PDE6A: variants seen among roughly 807,000 people sequenced by gnomAD.
The protein encoded by PDE6A is phosphodiesterase 6A.
In PDE6A, 84 loss-of-function variants were observed where a neutral mutation model predicts 106.3. The ratio of observed to expected loss-of-function variants is 0.79; its 90% confidence interval spans 0.66 to 0.95. The LOEUF is 0.95. Among genes scored for constraint, PDE6A ranks in the 40% least tolerant of loss-of-function variants. PDE6A has a pLI of 0.00. For missense variants in PDE6A, 1,052 were observed against 1,084.9 expected (o/e 0.97, Z 0.43); for synonymous variants, 394 against 386.6 (o/e 1.02, Z -0.23).
At chr5:149,880,332 G>A (rs1760877761) in intron 17 of PDE6A, among the ~76,000 whole-genome samples, 1 of 152,104 alleles carries the variant, frequency 6.6e-6, no homozygotes, top group Non-Finnish European at 1.5e-5. Context: ...CAATAGCAGG[G>A]TGTTCCTTTC....
intron 17 of PDE6A, among the ~76,000 whole-genome samples, chr5:149,876,479 C>T (rs761040662): frequency 2.0e-5 from 3 of 151,576 alleles, no homozygotes; most frequent in Non-Finnish European, 4.4e-5. Context: ...CTTCGGCCTC[C>T]CAAGTAGCGT....
intron 4 of PDE6A, among the ~76,000 whole-genome samples, chr5:149,924,861 G>A (rs1317104332): frequency 1.3e-5 from 2 of 152,202 alleles, no homozygotes; most frequent in African/African-American, 4.8e-5. Flanking sequence ...GCTGAGCCAA[G>A]CTTACGGAAG....
chr5:149,919,926 A>G (rs1432358157), intron 5 of PDE6A, among the ~76,000 whole-genome samples: 1 of 150,388 alleles, frequency 6.6e-6, no homozygotes, highest in Non-Finnish European at 1.5e-5. Context: ...CTTTCGACCT[A>G]AGATTCGGGA....
intron 13 of PDE6A, among the ~76,000 whole-genome samples, chr5:149,887,865 C>T (rs1561714420): frequency 6.6e-6 from 1 of 152,152 alleles, no homozygotes; most frequent in African/African-American, 2.4e-5. Context: ...ATAAGTACCA[C>T]CAGCCTGTAA....
At chr5:149,888,161 G>C (rs1412679492) in intron 13 of PDE6A, among the ~76,000 whole-genome samples, 2 of 152,056 alleles carry the variant, frequency 1.3e-5, no homozygotes, top group Non-Finnish European at 2.9e-5. Context: ...AGATCTAAGA[G>C]GATAGAGATT....
intron 8 of PDE6A, among the ~76,000 whole-genome samples, chr5:149,903,161 A>AC (rs1302936997): frequency 2.0e-5 from 3 of 149,068 alleles, no homozygotes; most frequent in African/African-American, 7.4e-5. Context: ...AAAAAAAAAA[A>AC]AAAAAAACAA....
intron 8 of PDE6A, among the ~76,000 whole-genome samples, chr5:149,900,656 TA>T (rs1232981046): frequency 6.6e-6 from 1 of 151,882 alleles, no homozygotes; most frequent in Non-Finnish European, 1.5e-5. Context: ...GGTGAGATGA[TA>T]ATTGTTATTA....
intron 4 of PDE6A, among the ~76,000 whole-genome samples, chr5:149,926,607 T>C (rs900113991): frequency 6.6e-6 from 1 of 152,202 alleles, no homozygotes; most frequent in Non-Finnish European, 1.5e-5. Flanking sequence ...CAAGAATCAA[T>C]GACTATAAAG....
intron 3 of PDE6A, among the ~76,000 whole-genome samples, chr5:149,933,527 G>A (rs954179151): frequency 6.6e-5 from 10 of 152,142 alleles, no homozygotes; most frequent in African/African-American, 2.4e-4. Flanking sequence ...TTATCTCATA[G>A]GTTTTTAATA....
chr5:149,903,223 A>G (rs1004978386), intron 8 of PDE6A, among the ~76,000 whole-genome samples: 2 of 150,502 alleles, frequency 1.3e-5, no homozygotes, highest in Non-Finnish European at 3.0e-5. Context: ...TTTTGATTAT[A>G]TTTATTGAAA....
intron 17 of PDE6A, among the ~76,000 whole-genome samples, chr5:149,880,970 C>T (rs966100659): frequency 6.6e-6 from 1 of 151,312 alleles, no homozygotes; most frequent in Non-Finnish European, 1.5e-5. Context: ...GGCTGAGGCA[C>T]GAGAATTGCT....
Position 149,863,771 on chromosome 5 carries a change from A to C in PDE6A, c.2359-505T>G, listed in dbSNP as rs1272674714. On this transcript the variant is annotated intron_variant, in intron 20 of 21. Coordinates refer to ENST00000255266, the MANE Select transcript of PDE6A (RefSeq NM_000440.3). This position sits in a 1 kb window ranked among gnomAD's most constrained non-coding sequence, Gnocchi z 4.7. ...CCCAAGTAGCTGGAACTACAGGCTC[A>C]TGCCACCACACCCAGGTAATTTTTT... is the stretch of plus-strand genomic sequence containing the variant. Among the ~76,000 whole-genome samples the C allele has an allele frequency of 2.6e-5, 4 of 151,882 alleles. No individual in the cohort carries two copies. In the East Asian group the frequency reaches 7.8e-4, roughly 30 times the overall value.
At chr5:149,928,227 A>ATTTTTTTTTTTTTTTTTTT (rs1561778751) in intron 4 of PDE6A, among the ~76,000 whole-genome samples, 1 of 26,492 alleles carries the variant, frequency 3.8e-5, no homozygotes, top group Non-Finnish European at 6.8e-5. Context: ...ATATATATAT[A>ATTTTTTTTTTTTTTTTTTT]TATATTTTTT....
In PDE6A at chr5:149,896,699, G is replaced by C. The variant is rs201026028; in HGVS notation, c.1473+12C>G. On this transcript the variant is annotated intron_variant, in intron 11 of 21. Coordinates refer to ENST00000255266, the MANE Select transcript of PDE6A (RefSeq NM_000440.3). ...TATACATCGGGGCTCGTGCTGCCCC[G>C]GTTCAGCTCACCAGGATCTCAGCCA... 6.8e-6 allele frequency: 11 copies of C among 1,614,024 alleles called. No homozygotes were observed. The highest frequency in any genetic ancestry group is 1.6e-4 in the Middle Eastern group (1 of 6,062).
At chr5:149,883,396 A>T (rs372372524) in intron 17 of PDE6A, 33 bp downstream of exon 17, 1,085 of 1,372,444 alleles carry the variant, frequency 7.9e-4, no homozygotes, top group Non-Finnish European at 9.8e-4. Flanking sequence ...CCTAAGCCTA[A>T]GAGGATCAGG....
At chr5:149,932,588 T>C (rs1463543049) in intron 3 of PDE6A, 7 of 1,597,422 alleles carry the variant, frequency 4.4e-6, no homozygotes, top group African/African-American at 1.3e-5. Flanking sequence ...GTGCTACTTT[T>C]AACTTTTCTG....
intron 6 of PDE6A, among the ~76,000 whole-genome samples, chr5:149,911,842 C>A (rs372862561): frequency 9.5e-4 from 63 of 66,078 alleles, no homozygotes; most frequent in Non-Finnish European, 1.1e-3. Flanking sequence ...TCTCTATTAC[C>A]AAAAAAAAAA....
At chr5:149,889,002 G>A (rs1752435118) in intron 13 of PDE6A, among the ~76,000 whole-genome samples, 1 of 146,946 alleles carries the variant, frequency 6.8e-6, no homozygotes, top group African/African-American at 2.6e-5. Context: ...AGAATGGCGT[G>A]AACCCGGGAG....
intron 1 of PDE6A, among the ~76,000 whole-genome samples, chr5:149,937,280 G>A (rs1249267439): frequency 2.0e-5 from 3 of 152,222 alleles, no homozygotes; most frequent in African/African-American, 7.2e-5. Flanking sequence ...GAGAGGGAGA[G>A]GGAAAGCAGA....
Sources: allele counts gnomAD v4.1 joint callset (sites outside exome capture counted in the v4.1 genomes callset), GRCh38; gene constraint gnomAD v4.1.1; non-coding constraint Gnocchi (gnomAD v3.1); transcripts MANE v1.5; gene names NCBI Gene and HGNC (gene_info 2026-07-23, HGNC 2026-07-21).